The following RANBP2 variants were observed in gnomAD, a reference collection of about 807,000 sequenced individuals.
The protein encoded by RANBP2 is RAN binding protein 2, also known as E3 SUMO-protein ligase RanBP2.
RANBP2 carries 57 observed loss-of-function variants against 303.6 expected under a neutral mutation model. That is an observed-to-expected ratio of 0.19 (90% CI 0.15 to 0.23). RANBP2 has a LOEUF of 0.23. Ranked by LOEUF, RANBP2 falls within the 10% of genes least tolerant of loss-of-function variation. RANBP2 has a pLI of 1.00. For synonymous variants in RANBP2, 1,167 were observed against 1,301.5 expected (o/e 0.90, Z 2.23); for missense variants, 3,138 against 3,780.8 (o/e 0.83, Z 4.46).
At chr2:109,221,041 A>G in the RANBP2 span, among the ~76,000 whole-genome samples, 1 of 152,240 alleles carries the variant, frequency 6.6e-6, no homozygotes, top group Non-Finnish European at 1.5e-5. Context: ...AAAATGTGGT[A>G]TGTATACACA....
chr2:109,584,957 A>C, the RANBP2 span, among the ~76,000 whole-genome samples: 4 of 152,220 alleles, frequency 2.6e-5, no homozygotes, highest in Non-Finnish European at 4.4e-5. Context: ...AAAAATGTCA[A>C]TGTGCTAATA....
the RANBP2 span, among the ~76,000 whole-genome samples, chr2:109,377,246 CT>C: frequency 6.6e-6 from 1 of 152,188 alleles, no homozygotes; most frequent in East Asian, 1.9e-4. Context: ...CCTGAGGGTG[CT>C]GGACCTCCGT....
the RANBP2 span, among the ~76,000 whole-genome samples, chr2:109,511,143 T>G: frequency 6.6e-6 from 1 of 152,232 alleles, no homozygotes; most frequent in African/African-American, 2.4e-5. Flanking sequence ...ATTCAAGCAC[T>G]GGCAGTCTGG....
chr2:109,157,360 G>T, the RANBP2 span, among the ~76,000 whole-genome samples: 1 of 152,200 alleles, frequency 6.6e-6, no homozygotes, highest in East Asian at 1.9e-4. Flanking sequence ...TATTGCATTC[G>T]CTTTATAGAC....
chr2:109,136,855 A>C, the RANBP2 span, among the ~76,000 whole-genome samples: 10 of 152,176 alleles, frequency 6.6e-5, no homozygotes, highest in African/African-American at 2.4e-4. Context: ...GGGCACCTGT[A>C]AATGTGCTGC....
the RANBP2 span, among the ~76,000 whole-genome samples, chr2:109,046,361 G>C: frequency 2.0e-5 from 3 of 147,686 alleles, no homozygotes; most frequent in Non-Finnish European, 4.5e-5. Flanking sequence ...TGAGATCTGG[G>C]TAACTGCTTT....
the RANBP2 span, among the ~76,000 whole-genome samples, chr2:109,727,487 ACTAC>A: frequency 6.6e-6 from 1 of 152,284 alleles, no homozygotes; most frequent in South Asian, 2.1e-4. Context: ...TGTCCTTTTC[ACTAC>A]ATGTACCTGC....
At chr2:108,938,446 G>A in the RANBP2 span, among the ~76,000 whole-genome samples, 1 of 152,232 alleles carries the variant, frequency 6.6e-6, no homozygotes, top group African/African-American at 2.4e-5. Flanking sequence ...ATTTCCCGCA[G>A]TTTGTGGTGC....
chr2:108,873,931 A>G, the RANBP2 span, among the ~76,000 whole-genome samples: 2 of 152,162 alleles, frequency 1.3e-5, no homozygotes, highest in East Asian at 3.9e-4. Flanking sequence ...TTTCCATTAT[A>G]CAGATGTAGA....
At chr2:109,311,520 G>A in the RANBP2 span, among the ~76,000 whole-genome samples, 3 of 151,450 alleles carry the variant, frequency 2.0e-5, no homozygotes, top group Non-Finnish European at 2.9e-5. Context: ...AGGAAATAAA[G>A]GGTATTCAAT....
chr2:109,456,002 C>T, the RANBP2 span, among the ~76,000 whole-genome samples: 30 of 152,310 alleles, frequency 2.0e-4, no homozygotes, highest in African/African-American at 6.7e-4. Flanking sequence ...GGAGACCTGC[C>T]CTGCAGCCTG....
chr2:109,340,253 A>G, the RANBP2 span, among the ~76,000 whole-genome samples: 1 of 152,128 alleles, frequency 6.6e-6, no homozygotes, highest in Non-Finnish European at 1.5e-5. Flanking sequence ...CCTATCGGTA[A>G]AGTGCAGATA....
At chr2:108,995,515 A>C in the RANBP2 span, among the ~76,000 whole-genome samples, 1 of 152,324 alleles carries the variant, frequency 6.6e-6, no homozygotes, top group Non-Finnish European at 1.5e-5. Context: ...CCAAAATGGG[A>C]ATAAACAGGC....
the RANBP2 span, among the ~76,000 whole-genome samples, chr2:109,004,110 G>A: frequency 2.6e-5 from 4 of 152,286 alleles, no homozygotes; most frequent in African/African-American, 9.6e-5. Context: ...GCATATTTTT[G>A]TAAAATAACA....
the RANBP2 span, chr2:108,894,439 C>CAAAG: frequency 4.7e-4 from 72 of 152,464 alleles, 1 homozygote; most frequent in African/African-American, 1.7e-3. Context: ...ACCCCAAATA[C>CAAAG]AAAGAGAGCT....
chr2:109,629,811 A>C, the RANBP2 span, among the ~76,000 whole-genome samples: 1 of 149,158 alleles, frequency 6.7e-6, no homozygotes, highest in Non-Finnish European at 1.5e-5. Context: ...ACTCCGTTTC[A>C]AAAAAAAAAG....
At chr2:109,059,586 AAAG>A in the RANBP2 span, among the ~76,000 whole-genome samples, 3 of 151,834 alleles carry the variant, frequency 2.0e-5, no homozygotes, top group African/African-American at 7.3e-5. Context: ...AAAAAAAAAA[AAAG>A]GTCACACAAC....
the RANBP2 span, among the ~76,000 whole-genome samples, chr2:109,661,557 T>C: frequency 6.6e-6 from 1 of 152,086 alleles, no homozygotes; most frequent in African/African-American, 2.4e-5. Flanking sequence ...AGTAGAAGGT[T>C]CTATGGGCCA....
the RANBP2 span, among the ~76,000 whole-genome samples, chr2:108,973,058 C>T: frequency 1.3e-5 from 2 of 152,160 alleles, no homozygotes; most frequent in African/African-American, 4.8e-5. Context: ...GCAATTTCAG[C>T]TCACCGTAAC....
Sources: allele counts gnomAD v4.1 joint callset (sites outside exome capture counted in the v4.1 genomes callset), GRCh38; gene constraint gnomAD v4.1.1; transcripts MANE v1.5; gene names NCBI Gene and HGNC (gene_info 2026-07-23, HGNC 2026-07-21).